Variants in FES observed in about 807,000 individuals in gnomAD.
FES encodes the protein tyrosine-protein kinase Fes/Fps.
FES carries 83 observed loss-of-function variants against 109.6 expected under a neutral mutation model. That is an observed-to-expected ratio of 0.76 (90% CI 0.63 to 0.91). The LOEUF is 0.91. FES is among the 40% of genes least tolerant of loss of function. The pLI, the probability that FES is intolerant of heterozygous loss-of-function variation, is 0.00. For missense variants in FES, 943 were observed against 1,070.9 expected, an observed-to-expected ratio of 0.88 and a Z score of 1.67; for synonymous variants, 458 against 442.1, an observed-to-expected ratio of 1.04 and a Z score of -0.45.
Position 90,889,655 on chromosome 15 carries a change from C to T in FES, c.926+19C>T. On this transcript the variant is annotated intron_variant, in intron 7 of 18. Coordinates refer to ENST00000328850, the MANE Select transcript of FES (RefSeq NM_002005.4). The surrounding 1 kb of genome is among the most constrained non-coding windows in gnomAD (Gnocchi z 6.1). ...AGCACACGTGGGTGGTGGCTTTGCA[C>T]CTGGGCTGCGGCGGGGCTCCCAGCA... The T allele has an allele frequency of 1.4e-5, 23 of 1,611,968 alleles. No homozygotes were observed. Among genetic ancestry groups the T allele is most frequent in the Non-Finnish European group, 1.9e-5 (23 of 1,179,924 alleles).
chr15:90,885,638 G>C, intron 3 of FES, 53 bp downstream of exon 3: 1 of 1,578,448 alleles, frequency 6.3e-7, no homozygotes, highest in South Asian at 1.2e-5. Context: ...TTTGAGCCTC[G>C]AAGGGGTTGT....
In FES at chr15:90,894,636, T is replaced by A. The variant is rs146793799; in HGVS notation, c.2326+578T>A. ...CAAAAATTAGCTGGGTGTGGTGACA[T>A]GCGCCTGTAGTCCCTGCTACTCGGG... On this transcript the variant is annotated intron_variant, in intron 18 of 18. Transcript: ENST00000328850. 2.1e-4 allele frequency among the ~76,000 whole-genome samples: 32 copies of A among 151,870 alleles called. No individual in the cohort carries two copies. In the East Asian group the frequency reaches 6.2e-3, roughly 29 times the overall value.
chr15:90,887,350 C>A lies in FES; in HGVS notation c.648C>A (p.His216Gln), dbSNP rs141941493. 17 of 1,611,602 alleles carry A rather than the reference C, an allele frequency of 1.1e-5. No homozygotes were observed. Among genetic ancestry groups the A allele is most frequent in the Non-Finnish European group, 1.4e-5 (17 of 1,179,256 alleles). Residue 216 changes from histidine to glutamine, a missense_variant, in exon 5 of 19, where the codon CAC (histidine) becomes CAA (glutamine). Physicochemically the swap from His to Gln is conservative, Grantham distance 24. Transcript: ENST00000328850. ...PGLLRSLQDL[H>Q]EEMACILKEI... ...TGCTGCGGTCACTGCAGGACCTGCA[C>A]GAGGAGATGGCTTGCATCCTGTAAG...
In FES at chr15:90,887,176, C is replaced by A. The variant is rs72755383; in HGVS notation, c.485-11C>A. 23 of 1,612,268 alleles carry A rather than the reference C, an allele frequency of 1.4e-5. No homozygotes were observed. The East Asian group carries it at 2.2e-4, about 16-fold the overall frequency. ...TGCTGTCATCTATACCCCTTGCCCC[C>A]CTTCTGGCAGACAAGGACCGTGACA... On this transcript the variant is annotated splice_polypyrimidine_tract_variant and intron_variant, in intron 4 of 18. Coordinates refer to ENST00000328850, the MANE Select transcript of FES (RefSeq NM_002005.4).
chr15:90,892,854 G>A, intron 14 of FES, 29 bp downstream of exon 14: 1 of 1,597,152 alleles, frequency 6.3e-7, no homozygotes, highest in Non-Finnish European at 8.6e-7. Context: ...ATCACCACGG[G>A]TCCCGCATAC....
At chr15:90,890,748 G>C (rs964913288) in intron 10 of FES, among the ~76,000 whole-genome samples, 4 of 152,108 alleles carry the variant, frequency 2.6e-5, no homozygotes. Flanking sequence ...GCCTGGAGGA[G>C]GAGGCACCAG....
In FES at chr15:90,889,608, G is replaced by C; in HGVS notation, c.898G>C (p.Glu300Gln). The change falls in exon 7 of 19, where the codon GAG becomes CAG. Residue 300 changes from glutamate (E) to glutamine (Q), a missense_variant. Physicochemically the swap from Glu to Gln is conservative, Grantham distance 29 (BLOSUM62 2). Transcript: ENST00000328850. This position sits in a 1 kb window ranked among gnomAD's most constrained non-coding sequence, Gnocchi z 6.1. Reference protein sequence around the residue: ...PLEPGELQLNELTVESVQHTL... With the variant: ...PLEPGELQLNQLTVESVQHTL... ...GGAGCCTGGGGAGCTCCAGCTGAAC[G>C]AGCTGACTGTGGAGAGCGTGCAGCA... 2 of 1,613,518 alleles carry C rather than the reference G, an allele frequency of 1.2e-6. No individual in the cohort carries two copies.
intron 5 of FES, among the ~76,000 whole-genome samples, chr15:90,888,745 T>C (rs1191419037): frequency 1.5e-5 from 2 of 134,572 alleles, no homozygotes; most frequent in Non-Finnish European, 3.2e-5. Flanking sequence ...AGGATAGCAG[T>C]TCATTTATTT....
chr15:90,889,745 G>C lies in FES; in HGVS notation c.927-95G>C. 5 of 1,603,134 alleles carry C rather than the reference G, an allele frequency of 3.1e-6. No individual in the cohort carries two copies. The Admixed American group carries it at 8.4e-5, about 27-fold the overall frequency. ...ACTGTCCACACAGAGCTGTCACCAG[G>C]TGGCCGGGCTTGCTTGGCTCTACAG... On this transcript the variant is annotated intron_variant, in intron 7 of 18. Transcript: ENST00000328850. This position sits in a 1 kb window ranked among gnomAD's most constrained non-coding sequence, Gnocchi z 6.1.
chr15:90,895,408 C>G lies in FES; in HGVS notation c.2327-8C>G, dbSNP rs2033621669. ...CTCATGCCTGGTGTGCTGTGCCTCT[C>G]CTCACAGGGGGCCGTCTGCCCTGCC... On this transcript the variant is annotated splice_region_variant and splice_polypyrimidine_tract_variant and intron_variant, in intron 18 of 18. Coordinates refer to ENST00000328850, the MANE Select transcript of FES (RefSeq NM_002005.4). 1.3e-6 allele frequency: 2 copies of G among 1,525,846 alleles called. No individual in the cohort carries two copies. The highest frequency in any genetic ancestry group is 4.9e-5 in the East Asian group (2 of 41,098). 94.5% of individuals were successfully genotyped at this position (1,525,846 alleles called of 1,614,324 possible).
Position 90,893,397 on chromosome 15 carries a change from C to A in FES, c.2028C>A (p.Ser676Arg). The part of the protein sequence containing the change: ...DAAAGMEYLE[S>R]KCCIHRDLAA... ...CTGCTGGCATGGAGTACCTGGAGAG[C>A]AAGTGCTGCATCCACCGGTGAGTGG... The change falls in exon 16 of 19, where the codon AGC (serine) becomes AGA (arginine). Residue 676 changes from serine (S) to arginine (R), a missense_variant. Transcript: ENST00000328850. 1.3e-6 allele frequency: 2 copies of A among 1,554,280 alleles called. No individual in the cohort carries two copies. The highest frequency in any genetic ancestry group is 1.2e-5 in the South Asian group (1 of 82,426).
rs1046008005 is a variant in FES at position 90,889,631 on chromosome 15, G to T, written c.921G>T (p.Gln307His). ...QLNELTVESV[Q>H]HTLTSVTDEL... The stretch of plus-strand genomic sequence containing the variant: ...ACGAGCTGACTGTGGAGAGCGTGCA[G>T]CACACGTGGGTGGTGGCTTTGCACC... Residue 307 changes from glutamine to histidine, a missense_variant, in exon 7 of 19, where the codon CAG becomes CAT. Coordinates refer to ENST00000328850, the MANE Select transcript of FES (RefSeq NM_002005.4). This position sits in a 1 kb window ranked among gnomAD's most constrained non-coding sequence, Gnocchi z 6.1. The T allele has an allele frequency of 6.2e-7, 1 of 1,613,140 alleles. No homozygotes were observed. The highest frequency in any genetic ancestry group is 8.5e-7 in the Non-Finnish European group (1 of 1,180,012).
intron 5 of FES, among the ~76,000 whole-genome samples, chr15:90,888,217 T>C (rs1262037200): frequency 1.3e-5 from 2 of 152,238 alleles, no homozygotes; most frequent in Non-Finnish European, 2.9e-5. Flanking sequence ...GTGATTCCCC[T>C]GCCTCAGCCT....
chr15:90,890,365 G>A, intron 9 of FES, 36 bp from the exon 10 acceptor site: 3 of 1,607,918 alleles, frequency 1.9e-6, no homozygotes, highest in Non-Finnish European at 2.5e-6. Context: ...CCCTCCCTAA[G>A]CCTGGCCACC....
intron 18 of FES, 42 bp downstream of exon 18, chr15:90,894,100 T>C (rs749847715): frequency 6.2e-7 from 1 of 1,606,836 alleles, no homozygotes; most frequent in Non-Finnish European, 8.5e-7. Flanking sequence ...CTGCACCCTC[T>C]TCCAGATGCT....
chr15:90,887,953 T>C (rs542906706), intron 5 of FES, among the ~76,000 whole-genome samples: 48 of 152,122 alleles, frequency 3.2e-4, no homozygotes, highest in African/African-American at 1.1e-3. Context: ...GTGGTGCCTC[T>C]GAGAGTGAGG....
intron 16 of FES, 39 bp from the exon 17 acceptor site, chr15:90,893,615 G>A (rs768002003): frequency 1.3e-5 from 20 of 1,534,196 alleles, no homozygotes; most frequent in Admixed American, 4.1e-5. Flanking sequence ...CTGGGCAGGC[G>A]ACTGTTGGCC....
chr15:90,893,413 C>T lies in FES; in HGVS notation c.2044C>T (p.Arg682Trp), dbSNP rs1006930360. ...CCTGGAGAGCAAGTGCTGCATCCAC[C>T]GGTGAGTGGGCGGTGGCCACGGGCC... ...EYLESKCCIH[R>W]DLAARNCLVT... is the part of the protein sequence containing the mutation. The change falls in exon 16 of 19, where the codon CGG (arginine) becomes TGG (tryptophan). Residue 682 changes from arginine to tryptophan, a missense_variant and splice_region_variant. By Grantham distance (101) the Arg-to-Trp change is moderately radical. Coordinates refer to ENST00000328850, the MANE Select transcript of FES (RefSeq NM_002005.4). 19 of 1,538,696 alleles carry T rather than the reference C, an allele frequency of 1.2e-5. No individual in the cohort carries two copies. The highest frequency in any genetic ancestry group is 1.5e-5 in the Non-Finnish European group (17 of 1,146,108).
intron 12 of FES, 28 bp downstream of exon 12, chr15:90,891,704 C>A (rs767871999): frequency 6.2e-7 from 1 of 1,612,224 alleles, no homozygotes; most frequent in Admixed American, 1.7e-5. Context: ...CTGGCCCATG[C>A]CACCTGTGGC....
Sources: gnomAD v4.1 joint callset for allele counts (sites outside exome capture counted in the v4.1 genomes callset) on GRCh38, gnomAD v4.1.1 for gene constraint, Gnocchi (gnomAD v3.1) non-coding constraint, MANE v1.5 for transcripts, NCBI Gene and HGNC (gene_info 2026-07-23, HGNC 2026-07-21) for gene names.